Variants in FAM107B observed in about 807,000 individuals in gnomAD.
FAM107B encodes family with sequence similarity 107 member B, also known as protein FAM107B.
FAM107B carries 21 observed loss-of-function variants against 31.5 expected under a neutral mutation model. The ratio of observed to expected loss-of-function variants is 0.67; its 90% CI spans 0.47 to 0.96. FAM107B has a LOEUF of 0.96. Ranked by LOEUF, FAM107B falls within the 40% of genes least tolerant of loss-of-function variation. FAM107B has a pLI of 0.00. For missense variants in FAM107B, 452 were observed against 377.1 expected (o/e 1.20, Z -1.64); for synonymous variants, 157 against 141.5 (o/e 1.11, Z -0.78).
At chr10:14,681,336 C>G (rs1221401355) in intron 1 of FAM107B, among the ~76,000 whole-genome samples, 1 of 152,190 alleles carries the variant, frequency 6.6e-6, no homozygotes, top group East Asian at 1.9e-4. Flanking sequence ...GATGCTCAGA[C>G]AATATCATCA....
In FAM107B at chr10:14,716,628, C is replaced by T. The variant is rs1423111215; in HGVS notation, c.412-48937G>A. ...CAGTAAGGAAATGGCCACCATGGTG[C>T]CAAGGAGTGATAGGGTAGGCTGGGG... On this transcript the variant is annotated intron_variant, in intron 1 of 4. Transcript: ENST00000181796. Among the ~76,000 whole-genome samples the T allele has an allele frequency of 2.0e-5, 3 of 152,212 alleles. No homozygotes were observed. The East Asian group carries it at 5.8e-4, about 29-fold the overall frequency.
At chr10:14,741,545 C>T in intron 1 of FAM107B, among the ~76,000 whole-genome samples, 1 of 152,102 alleles carries the variant, frequency 6.6e-6, no homozygotes, top group East Asian at 1.9e-4. Context: ...CTCTGCCCAG[C>T]CAAACACTGA....
At chr10:14,701,821 C>T (rs981480794) in intron 1 of FAM107B, among the ~76,000 whole-genome samples, 1 of 151,854 alleles carries the variant, frequency 6.6e-6, no homozygotes, top group Non-Finnish European at 1.5e-5. Flanking sequence ...CCTCTGCTGG[C>T]GTGTGAAAAG....
At position 14,763,813 on chromosome 10, in the gene FAM107B, G is replaced by A. The variant is rs1425462366; in HGVS notation, c.411+10440C>T. On this transcript the variant is annotated intron_variant, in intron 1 of 4. Transcript: ENST00000181796. ...AGGAAAACGATTTCCAGATAGAGAG[G>A]AATTATTACTGTTTAGGGGTATACA... Among the ~76,000 whole-genome samples, 5 of 152,324 alleles carry A rather than the reference G, an allele frequency of 3.3e-5. No individual in the cohort carries two copies. In the East Asian group the frequency reaches 9.6e-4, roughly 29 times the overall value.
chr10:14,605,780 A>G (rs10732259), intron 2 of FAM107B, among the ~76,000 whole-genome samples: 148,259 of 152,272 alleles, frequency 0.97, 72,304 homozygotes, highest in East Asian at 1. Context: ...TTCTGTTCTT[A>G]ACAATGGCTC....
At chr10:14,591,324 A>G (rs1410167431) in intron 2 of FAM107B, among the ~76,000 whole-genome samples, 4 of 152,252 alleles carry the variant, frequency 2.6e-5, no homozygotes, top group Non-Finnish European at 5.9e-5. Context: ...CTGCAACTCA[A>G]GACTTAAATA....
intron 2 of FAM107B, among the ~76,000 whole-genome samples, chr10:14,580,214 G>A (rs1022062175): frequency 1.3e-5 from 2 of 151,928 alleles, no homozygotes; most frequent in African/African-American, 4.8e-5. Context: ...AAAAAAATTA[G>A]CTGGGCATGG....
intron 2 of FAM107B, among the ~76,000 whole-genome samples, chr10:14,545,904 G>C (rs567869032): frequency 3.7e-4 from 57 of 152,312 alleles, no homozygotes; most frequent in African/African-American, 1.3e-3. Flanking sequence ...AGGATGGACT[G>C]AGAAGATGGT....
intron 1 of FAM107B, among the ~76,000 whole-genome samples, chr10:14,701,648 ACAT>A (rs1177651429): frequency 6.6e-6 from 1 of 152,152 alleles, no homozygotes; most frequent in African/African-American, 2.4e-5. Context: ...TCATCTCCCA[ACAT>A]CATCTTGTGT....
chr10:14,584,827 T>C (rs1851773343), intron 2 of FAM107B, among the ~76,000 whole-genome samples: 1 of 152,224 alleles, frequency 6.6e-6, no homozygotes, highest in South Asian at 2.1e-4. Context: ...AAAGGACCTC[T>C]GCTTGGTCCC....
In FAM107B at chr10:14,774,285, TG is replaced by T. The variant is rs1328822184; in HGVS notation, c.378del (p.Ile127SerfsTer28). 6.2e-7 allele frequency: 1 copy of T among 1,613,528 alleles called. No homozygotes were observed. The highest frequency in any genetic ancestry group is 1.3e-5 in the African/African-American group (1 of 74,940). On this transcript the variant is annotated frameshift_variant, in exon 1 of 5. Transcript: ENST00000181796. LOFTEE classifies it high-confidence loss of function. ...GTGTCAATAATTGATGGTCTGGGGATGGAAGCGTGAAACACCACTGCTTCAC... is the reference window on the plus strand; with the variant it reads ...GTGTCAATAATTGATGGTCTGGGGATGAAGCGTGAAACACCACTGCTTCAC... ...ADCEAVVFHASIPRPSIIDTP... is the reference protein window; with the variant it reads ...ADCEAVVFHAXIPRPSIIDTP...
intron 1 of FAM107B, among the ~76,000 whole-genome samples, chr10:14,750,511 C>G (rs1039491231): frequency 3.4e-4 from 51 of 152,158 alleles, no homozygotes; most frequent in Admixed American, 7.2e-4. Context: ...ACTCGGGAGC[C>G]TGAGGCGGGA....
intron 1 of FAM107B, among the ~76,000 whole-genome samples, chr10:14,709,454 G>A (rs1185022913): frequency 1.3e-5 from 2 of 152,212 alleles, no homozygotes; most frequent in Non-Finnish European, 2.9e-5. Flanking sequence ...AAGAGAGAGA[G>A]CTTATGTAGG....
intron 1 of FAM107B, among the ~76,000 whole-genome samples, chr10:14,685,486 C>T (rs973777074): frequency 2.0e-5 from 3 of 151,928 alleles, no homozygotes; most frequent in Non-Finnish European, 2.9e-5. Context: ...AGTAGGTGTC[C>T]CCCAGTTTTC....
intron 1 of FAM107B, among the ~76,000 whole-genome samples, chr10:14,758,694 A>T (rs1254025342): frequency 2.0e-5 from 3 of 151,914 alleles, no homozygotes. Context: ...TGAGAAATCC[A>T]GGAGTGTGAA....
intron 1 of FAM107B, among the ~76,000 whole-genome samples, chr10:14,740,002 C>T (rs1177512566): frequency 6.6e-6 from 1 of 152,198 alleles, no homozygotes; most frequent in African/African-American, 2.4e-5. Context: ...AACAGGAATG[C>T]TCATTCACTG....
chr10:14,671,397 T>C (rs541829423), intron 1 of FAM107B, among the ~76,000 whole-genome samples: 2 of 152,276 alleles, frequency 1.3e-5, no homozygotes, highest in South Asian at 4.1e-4. Flanking sequence ...GGACTCTTAC[T>C]AGGTCAGAGT....
At chr10:14,608,839 G>A (rs1447315338) in intron 2 of FAM107B, among the ~76,000 whole-genome samples, 2 of 152,206 alleles carry the variant, frequency 1.3e-5, no homozygotes, top group African/African-American at 4.8e-5. Flanking sequence ...CTTGAGTGCT[G>A]TACTAGGAGA....
rs553992860 is a variant in FAM107B at position 14,521,170 on chromosome 10, G to C, written c.*20C>G. 7 of 1,594,968 alleles carry C rather than the reference G, an allele frequency of 4.4e-6. No individual in the cohort carries two copies. The Admixed American group carries it at 1.2e-4, about 27-fold the overall frequency. ...GACAGCTCTGTGGGGTGACACACGA[G>C]GTCTTGGTGCAGCCTCAGCCTAGGA... On this transcript the variant is annotated 3_prime_UTR_variant, in exon 5 of 5. Transcript: ENST00000181796.
Sources: allele counts gnomAD v4.1 joint callset (sites outside exome capture counted in the v4.1 genomes callset), GRCh38; gene constraint gnomAD v4.1.1; transcripts MANE v1.5; gene names NCBI Gene and HGNC (gene_info 2026-07-23, HGNC 2026-07-21).